Variants in ZFAND2A observed in about 807,000 individuals in gnomAD.
ZFAND2A encodes AN1-type zinc finger protein 2A.
In ZFAND2A, 20 loss-of-function variants were observed where a neutral mutation model predicts 11.6. That is an observed-to-expected ratio of 1.72 (90% confidence interval 1.21 to 2.50). ZFAND2A has a LOEUF of 2.50. Ranked by LOEUF, ZFAND2A falls within the 30% of genes most tolerant of loss-of-function variation. The probability of loss-of-function intolerance (pLI) is 0.00; values close to 1 mark genes in which losing one functional copy is unlikely to be tolerated. For synonymous variants in ZFAND2A, 93 were observed against 60.6 expected (o/e 1.54, Z -2.48); for missense variants, 234 against 182.9 (o/e 1.28, Z -1.61).
At chr7:1,151,943 C>T (rs947258288), downstream of ZFAND2A, 10 of 252,370 alleles carry the variant, frequency 4.0e-5, no homozygotes, top group Non-Finnish European at 6.7e-5. Context: ...CCAAAAAGAA[C>T]AAAGAACAGC....
intron 3 of ZFAND2A, among the ~76,000 whole-genome samples, chr7:1,156,793 A>C (rs920383766): frequency 6.6e-6 from 1 of 152,236 alleles, no homozygotes; most frequent in Non-Finnish European, 1.5e-5. Flanking sequence ...TGGTCAAATG[A>C]AATAAAGTAT....
chr7:1,152,554 G>C (rs914219733), downstream of ZFAND2A, among the ~76,000 whole-genome samples: 2 of 152,216 alleles, frequency 1.3e-5, no homozygotes, highest in African/African-American at 4.8e-5. Flanking sequence ...AGACATGCTG[G>C]AGCCCTAGAC....
In ZFAND2A at chr7:1,153,060, A is replaced by G. The variant is rs1162647795; in HGVS notation, c.*9T>C. On this transcript the variant is annotated 3_prime_UTR_variant, in exon 5 of 5. Transcript: ENST00000316495. ...TGCGTGCTCCGAGCCATCGCAGCGG[A>G]GTCTCTTCTCACCCAGCTTTGATGG... 4 of 1,613,968 alleles carry G rather than the reference A, an allele frequency of 2.5e-6. No individual in the cohort carries two copies. In the African/African-American group the frequency reaches 5.3e-5, roughly 22 times the overall value.
In ZFAND2A at chr7:1,157,640, A is replaced by C; in HGVS notation, c.150+16T>G. On this transcript the variant is annotated intron_variant, in intron 3 of 4. Coordinates refer to ENST00000316495, the MANE Select transcript of ZFAND2A (RefSeq NM_182491.4). ...GACGGTGAAGATGAGAATCTTTTGA[A>C]CAAAGGATCAATTACCTTCTGGAAT... The C allele has an allele frequency of 3.8e-6, 6 of 1,575,524 alleles. No individual in the cohort carries two copies. Among genetic ancestry groups the C allele is most frequent in the Non-Finnish European group, 5.1e-6 (6 of 1,165,368 alleles).
downstream of ZFAND2A, among the ~76,000 whole-genome samples, chr7:1,151,451 T>C (rs1021784032): frequency 6.6e-6 from 1 of 151,160 alleles, no homozygotes; most frequent in African/African-American, 2.4e-5. Context: ...GTCTGGTGTT[T>C]GCTGGTTTTG....
downstream of ZFAND2A, chr7:1,152,093 T>C (rs921056667): frequency 7.2e-6 from 7 of 971,502 alleles, no homozygotes; most frequent in East Asian, 9.0e-5. Flanking sequence ...CTTCTGTAAC[T>C]TGGGGTCCCA....
chr7:1,150,260 CCT>C (rs1305433022), downstream of ZFAND2A, among the ~76,000 whole-genome samples: 1 of 152,128 alleles, frequency 6.6e-6, no homozygotes, highest in East Asian at 1.9e-4. Context: ...GGTCTGACCA[CCT>C]TTTTGCAGAA....
intron 4 of ZFAND2A, 115 bp downstream of exon 4, chr7:1,155,338 T>A (rs1793496644): frequency 6.9e-7 from 1 of 1,458,346 alleles, no homozygotes; most frequent in African/African-American, 1.4e-5. Flanking sequence ...TTAGGACTCT[T>A]CTTTTCTACT....
At chr7:1,151,762 T>TAAAAAAAAAAAAAGAAAAAAAAAAAA (rs530920394), downstream of ZFAND2A, among the ~76,000 whole-genome samples, 1 of 87,158 alleles carries the variant, frequency 1.1e-5, no homozygotes, top group South Asian at 3.6e-4. Context: ...TCATCCCTTT[T>TAAAAAAAAAAAAAGAAAAAAAAAAAA]AAAAAAAAAA....
rs143216973 is a variant in ZFAND2A at position 1,153,107 on chromosome 7, A to G, written c.400T>C (p.Cys134Arg). ...IQHRHPLDHS[C>R]RHGSRPTIKA... Reference sequence around the variant, plus strand: ...ATGGTGGGGCGACTCCCGTGTCTGCAGCTGTGGTCCAAAGGGTGTCTGTGC... The same window carrying G: ...ATGGTGGGGCGACTCCCGTGTCTGCGGCTGTGGTCCAAAGGGTGTCTGTGC... The change falls in exon 5 of 5, where the codon TGC (cysteine) becomes CGC (arginine). Residue 134 changes from cysteine to arginine, a missense_variant. Physicochemically the swap from Cys to Arg is radical, Grantham distance 180. Coordinates refer to ENST00000316495, the MANE Select transcript of ZFAND2A (RefSeq NM_182491.4). 2 of 1,614,206 alleles carry G rather than the reference A, an allele frequency of 1.2e-6. No individual in the cohort carries two copies. The highest frequency in any genetic ancestry group is 1.1e-5 in the South Asian group (1 of 91,084).
intron 3 of ZFAND2A, among the ~76,000 whole-genome samples, chr7:1,155,973 C>T (rs947036608): frequency 2.6e-5 from 4 of 152,242 alleles, no homozygotes; most frequent in South Asian, 2.1e-4. Context: ...GATCCCTTTG[C>T]GGTTTCCCCA....
At chr7:1,158,970 GCT>G (rs1793604049) in intron 1 of ZFAND2A, among the ~76,000 whole-genome samples, 1 of 152,034 alleles carries the variant, frequency 6.6e-6, no homozygotes, top group South Asian at 2.1e-4. Context: ...CTTCCCATCA[GCT>G]CTCTCCCCAC....
rs774409135 is a variant in ZFAND2A at position 1,157,756 on chromosome 7, A to G, written c.56-6T>C. ...ACATTTTACTGGAAGAAAATCTAAA[A>G]AACAAAAAACAGGGAAGTGTTTTAA... On this transcript the variant is annotated splice_region_variant and splice_polypyrimidine_tract_variant and intron_variant, in intron 2 of 4. Coordinates refer to ENST00000316495, the MANE Select transcript of ZFAND2A (RefSeq NM_182491.4). The G allele has an allele frequency of 4.9e-5, 76 of 1,544,142 alleles. 1 individual carries two copies. In the South Asian group the frequency reaches 9.1e-4, roughly 18 times the overall value.
intron 3 of ZFAND2A, 63 bp downstream of exon 3, chr7:1,157,592 AC>A: frequency 6.8e-7 from 1 of 1,476,838 alleles, no homozygotes. Context: ...TCCCTACCAT[AC>A]CAGCAAGACA....
intron 3 of ZFAND2A, 147 bp from the exon 4 acceptor site, chr7:1,155,731 T>C (rs1793511651): frequency 1.0e-6 from 1 of 1,000,010 alleles, no homozygotes; most frequent in African/African-American, 1.7e-5. Flanking sequence ...AAAGCATCAC[T>C]GGGTCATGGA....
chr7:1,153,807 T>C (rs1434660384), intron 4 of ZFAND2A, among the ~76,000 whole-genome samples: 2 of 152,096 alleles, frequency 1.3e-5, no homozygotes, highest in East Asian at 1.9e-4. Context: ...TAGCCAGGCA[T>C]GGTGGCGTGG....
At chr7:1,158,544 G>A (rs1266699128) in intron 1 of ZFAND2A, among the ~76,000 whole-genome samples, 2 of 152,194 alleles carry the variant, frequency 1.3e-5, no homozygotes, top group African/African-American at 2.4e-5. Flanking sequence ...AGCTGCCAGT[G>A]ATGATTACGA....
At chr7:1,151,884 G>T (rs1329142587), downstream of ZFAND2A, among the ~76,000 whole-genome samples, 2 of 151,984 alleles carry the variant, frequency 1.3e-5, no homozygotes, top group Non-Finnish European at 2.9e-5. Context: ...ACCTAGAGTG[G>T]AAATAACCCA....
chr7:1,149,710 G>A (rs1262829247), downstream of ZFAND2A, among the ~76,000 whole-genome samples: 1 of 152,264 alleles, frequency 6.6e-6, no homozygotes, highest in Non-Finnish European at 1.5e-5. Context: ...CGTGCAGAGT[G>A]CTACTGCGCT....
Sources: gnomAD v4.1 joint callset for allele counts (sites outside exome capture counted in the v4.1 genomes callset) on GRCh38, gnomAD v4.1.1 for gene constraint, MANE v1.5 for transcripts, NCBI Gene and HGNC (gene_info 2026-07-23, HGNC 2026-07-21) for gene names.